Variants in MAGI3 observed in about 807,000 individuals in gnomAD.
MAGI3 encodes the protein membrane-associated guanylate kinase, WW and PDZ domain-containing protein 3.
Under a neutral mutation model 121.8 loss-of-function variants are expected in MAGI3, and 43 were observed. The ratio of observed to expected loss-of-function variants is 0.35; its 90% CI spans 0.28 to 0.46. The LOEUF is 0.46. MAGI3 is among the 20% of genes least tolerant of loss of function. The probability of loss-of-function intolerance (pLI) is 1.00; values close to 1 mark genes in which losing one functional copy is unlikely to be tolerated. For synonymous variants in MAGI3, 553 were observed against 639.3 expected, an observed-to-expected ratio of 0.86 and a Z score of 2.04; for missense variants, 1,547 against 1,797.3, an observed-to-expected ratio of 0.86 and a Z score of 2.52.
chr1:113,460,001 C>T (rs1307798972), intron 1 of MAGI3, among the ~76,000 whole-genome samples: 1 of 152,202 alleles, frequency 6.6e-6, no homozygotes, highest in Non-Finnish European at 1.5e-5. Flanking sequence ...CCTTGATGAA[C>T]ATTGATGTAC....
chr1:113,527,440 C>G (rs1658503002), intron 1 of MAGI3, among the ~76,000 whole-genome samples: 1 of 152,090 alleles, frequency 6.6e-6, no homozygotes, highest in Non-Finnish European at 1.5e-5. Flanking sequence ...AAATGAAGAA[C>G]TAGTTAAATA....
chr1:113,403,063 A>AG (rs1651489762), intron 1 of MAGI3, among the ~76,000 whole-genome samples: 1 of 152,232 alleles, frequency 6.6e-6, no homozygotes, highest in East Asian at 1.9e-4. Context: ...AGGAAACAGA[A>AG]GGGGATATAA....
At chr1:113,669,850 AG>A (rs1353491494) in intron 16 of MAGI3, among the ~76,000 whole-genome samples, 2 of 152,042 alleles carry the variant, frequency 1.3e-5, no homozygotes, top group African/African-American at 4.8e-5. Flanking sequence ...TTTTTACACA[AG>A]GCAGTGGCAT....
chr1:113,600,917 C>G (rs979151345), intron 6 of MAGI3, among the ~76,000 whole-genome samples: 1 of 152,046 alleles, frequency 6.6e-6, no homozygotes, highest in African/African-American at 2.4e-5. Context: ...ATAGCGCCGC[C>G]TATCTACAAC....
chr1:113,423,703 TCA>T (rs1341270960), intron 1 of MAGI3, among the ~76,000 whole-genome samples: 1 of 152,172 alleles, frequency 6.6e-6, no homozygotes, highest in Non-Finnish European at 1.5e-5. Flanking sequence ...ACTCCTAGTC[TCA>T]GACTCCACCC....
At chr1:113,631,505 T>C (rs1651630455) in intron 9 of MAGI3, among the ~76,000 whole-genome samples, 1 of 152,208 alleles carries the variant, frequency 6.6e-6, no homozygotes, top group Non-Finnish European at 1.5e-5. Flanking sequence ...ACATTAAATT[T>C]ATTAATATTT....
At chr1:113,466,349 G>A (rs1218379146) in intron 1 of MAGI3, among the ~76,000 whole-genome samples, 1 of 152,096 alleles carries the variant, frequency 6.6e-6, no homozygotes, top group African/African-American at 2.4e-5. Flanking sequence ...CTTAATCATG[G>A]TGAATGATCT....
Position 113,555,328 on chromosome 1 carries a change from A to G in MAGI3, c.433+5697A>G, listed in dbSNP as rs1255357323. On this transcript the variant is annotated intron_variant, in intron 2 of 20. Coordinates refer to ENST00000307546, the MANE Select transcript of MAGI3 (RefSeq NM_001142782.2). Reference sequence around the variant, plus strand: ...GGTGGAAGAGAAATGATATCAGAGCAATAGAACTGAAAGGAAAATAGACAA... The same window carrying G: ...GGTGGAAGAGAAATGATATCAGAGCGATAGAACTGAAAGGAAAATAGACAA... Among the ~76,000 whole-genome samples the G allele has an allele frequency of 9.6e-4, 147 of 152,362 alleles. 1 individual carries two copies. Among genetic ancestry groups the G allele is most frequent in the Non-Finnish European group, 8.8e-5 (6 of 68,030 alleles).
At chr1:113,556,042 T>C (rs565171366) in intron 2 of MAGI3, among the ~76,000 whole-genome samples, 1 of 152,190 alleles carries the variant, frequency 6.6e-6, no homozygotes, top group Non-Finnish European at 1.5e-5. Context: ...TCAAACACAA[T>C]ATATGAAAAT....
intron 16 of MAGI3, among the ~76,000 whole-genome samples, chr1:113,663,903 A>G (rs1375116719): frequency 1.3e-5 from 2 of 152,152 alleles, no homozygotes; most frequent in Non-Finnish European, 2.9e-5. Context: ...TCTAGTGGGT[A>G]TGAAATGGTA....
chr1:113,580,065 A>T (rs939583649), intron 2 of MAGI3, among the ~76,000 whole-genome samples: 1 of 152,140 alleles, frequency 6.6e-6, no homozygotes, highest in African/African-American at 2.4e-5. Flanking sequence ...AGTTAATTTT[A>T]TGAAACAATT....
intron 1 of MAGI3, among the ~76,000 whole-genome samples, chr1:113,395,072 T>G (rs1651019350): frequency 6.8e-6 from 1 of 147,140 alleles, no homozygotes. Flanking sequence ...TCTTATCTCT[T>G]GAATCTTTTT....
chr1:113,513,942 A>G (rs1187145620), intron 1 of MAGI3, among the ~76,000 whole-genome samples: 1 of 151,918 alleles, frequency 6.6e-6, no homozygotes, highest in African/African-American at 2.4e-5. Context: ...GAAAAAAACA[A>G]CCCCATCAAA....
At chr1:113,505,986 C>T (rs1657309912) in intron 1 of MAGI3, among the ~76,000 whole-genome samples, 1 of 152,096 alleles carries the variant, frequency 6.6e-6, no homozygotes, top group African/African-American at 2.4e-5. Flanking sequence ...AAGATTATGA[C>T]ATTGGAGGCT....
Position 113,437,880 on chromosome 1 carries a change from C to CCTCTT in MAGI3, c.316+46533_316+46534insCTTCT, listed in dbSNP as rs1653691903. 7.2e-3 allele frequency among the ~76,000 whole-genome samples: 123 copies of CCTCTT among 17,000 alleles called. 3 individuals carry two copies. Among genetic ancestry groups the CCTCTT allele is most frequent in the Admixed American group, 0.012 (16 of 1,340 alleles). The allele number at this position is 17,000 out of a possible 152,430, so 11.2% of individuals were successfully genotyped here. On this transcript the variant is annotated intron_variant, in intron 1 of 20. Coordinates refer to ENST00000307546, the MANE Select transcript of MAGI3 (RefSeq NM_001142782.2). ...TTCTTCTTCCTCTTCTTCTTCTTCT[C>CCTCTT]CTTCTCCTTCTCCTTCTCCTTCTCC...
intron 10 of MAGI3, among the ~76,000 whole-genome samples, chr1:113,642,827 C>T (rs1192104692): frequency 6.6e-6 from 1 of 152,218 alleles, no homozygotes; most frequent in Non-Finnish European, 1.5e-5. Flanking sequence ...AATACATCCT[C>T]TTAATTTCAT....
intron 6 of MAGI3, among the ~76,000 whole-genome samples, chr1:113,610,443 C>T (rs1171382117): frequency 1.3e-5 from 2 of 152,272 alleles, no homozygotes; most frequent in East Asian, 3.9e-4. Context: ...GCTTTAACTA[C>T]AATGTCTCTC....
intron 1 of MAGI3, among the ~76,000 whole-genome samples, chr1:113,506,166 T>G (rs953440704): frequency 6.6e-6 from 1 of 152,184 alleles, no homozygotes; most frequent in African/African-American, 2.4e-5. Context: ...AGATACATTT[T>G]GAAGGTTAAG....
chr1:113,419,374 A>T (rs936941449), intron 1 of MAGI3, among the ~76,000 whole-genome samples: 2 of 152,136 alleles, frequency 1.3e-5, no homozygotes, highest in Non-Finnish European at 2.9e-5. Flanking sequence ...GGAATAGAGG[A>T]ATGAGGCCTT....
Sources: gnomAD v4.1 joint callset for allele counts (sites outside exome capture counted in the v4.1 genomes callset) on GRCh38, gnomAD v4.1.1 for gene constraint, MANE v1.5 for transcripts, NCBI Gene and HGNC (gene_info 2026-07-23, HGNC 2026-07-21) for gene names.